Variants in CDH4 observed in about 807,000 individuals in gnomAD.
CDH4 encodes cadherin-4.
In CDH4, 33 loss-of-function variants were observed where a neutral mutation model predicts 86.0. That is an observed-to-expected ratio of 0.38 (90% CI 0.29 to 0.51). The LOEUF (loss-of-function observed/expected upper bound fraction) is 0.51. CDH4 is among the 20% of genes least tolerant of loss of function. The pLI is 0.86. For synonymous variants in CDH4, 555 were observed against 549.4 expected, an observed-to-expected ratio of 1.01 and a Z score of -0.14; for missense variants, 1,114 against 1,307.4, an observed-to-expected ratio of 0.85 and a Z score of 2.28.
intron 2 of CDH4, among the ~76,000 whole-genome samples, chr20:61,716,856 T>C (rs2087961541): frequency 6.6e-6 from 1 of 152,136 alleles, no homozygotes; most frequent in African/African-American, 2.4e-5. Context: ...TGCAGGGAGC[T>C]GAGATCCCAC....
chr20:61,472,193 G>A (rs1399922920), intron 2 of CDH4, among the ~76,000 whole-genome samples: 1 of 152,104 alleles, frequency 6.6e-6, no homozygotes, highest in Non-Finnish European at 1.5e-5. Flanking sequence ...CCCTTGTTGG[G>A]CGCATATGTA....
chr20:61,815,548 C>T (rs1444011374), intron 4 of CDH4, among the ~76,000 whole-genome samples: 4 of 152,184 alleles, frequency 2.6e-5, no homozygotes, highest in Non-Finnish European at 2.9e-5. Context: ...GAAGGTAAAA[C>T]CACATGAAAT....
chr20:61,357,239 T>A (rs1304032431), intron 2 of CDH4, among the ~76,000 whole-genome samples: 1 of 152,206 alleles, frequency 6.6e-6, no homozygotes, highest in African/African-American at 2.4e-5. Context: ...TTGTTAGTTA[T>A]CCAGTTTTGC....
chr20:61,331,333 C>T (rs1205955149), intron 2 of CDH4, among the ~76,000 whole-genome samples: 1 of 152,048 alleles, frequency 6.6e-6, no homozygotes, highest in Non-Finnish European at 1.5e-5. Flanking sequence ...CTGTGAAAAG[C>T]ATGAGTCCGA....
chr20:61,283,375 G>A (rs867691714), intron 2 of CDH4, among the ~76,000 whole-genome samples: 2 of 98,960 alleles, frequency 2.0e-5, no homozygotes, highest in African/African-American at 4.5e-5. Context: ...TGTGTGATGT[G>A]TGTGCGTTTG....
At chr20:61,795,102 G>GTAGTGATAATGGGGA (rs1568820170) in intron 4 of CDH4, among the ~76,000 whole-genome samples, 2 of 111,200 alleles carry the variant, frequency 1.8e-5, no homozygotes, top group South Asian at 3.1e-4. Context: ...GGTAATGATG[G>GTAGTGATAATGGGGA]TGATGATGGT....
At chr20:61,519,762 G>A (rs1252199027) in intron 2 of CDH4, among the ~76,000 whole-genome samples, 1 of 152,246 alleles carries the variant, frequency 6.6e-6, no homozygotes, top group Non-Finnish European at 1.5e-5. Flanking sequence ...TGTCTTCACA[G>A]GCAGACTGCG....
chr20:61,835,372 T>G (rs1171757518), intron 4 of CDH4, among the ~76,000 whole-genome samples: 1 of 152,104 alleles, frequency 6.6e-6, no homozygotes, highest in African/African-American at 2.4e-5. Flanking sequence ...CCAGTGTTCT[T>G]AATAATAAAA....
At chr20:61,752,501 A>G (rs1233614138) in intron 3 of CDH4, among the ~76,000 whole-genome samples, 2 of 152,204 alleles carry the variant, frequency 1.3e-5, no homozygotes, top group Non-Finnish European at 2.9e-5. Context: ...TTAAAGTCAA[A>G]TATACATATG....
intron 2 of CDH4, among the ~76,000 whole-genome samples, chr20:61,424,459 A>G (rs1057424503): frequency 2.0e-5 from 3 of 151,954 alleles, no homozygotes; most frequent in Non-Finnish European, 4.4e-5. Flanking sequence ...TACAGCACAC[A>G]TGTATATATG....
Position 61,852,610 on chromosome 20 carries a change from A to G in CDH4, c.733-144A>G, listed in dbSNP as rs973696075. ...AGAGAGCTGAGGCTCAGAGAATTCCATGACGTGTCCAAAGCCCCCCGGCCC... is the reference window on the plus strand; with the variant it reads ...AGAGAGCTGAGGCTCAGAGAATTCCGTGACGTGTCCAAAGCCCCCCGGCCC... On this transcript the variant is annotated intron_variant, in intron 5 of 15. Coordinates refer to ENST00000614565, the MANE Select transcript of CDH4 (RefSeq NM_001794.5). The G allele has an allele frequency of 1.3e-5, 9 of 674,222 alleles. No homozygotes were observed. The East Asian group carries it at 2.2e-4, about 16-fold the overall frequency. The allele number at this position is 674,222 out of a possible 1,614,324, so 41.8% of individuals were successfully genotyped here.
chr20:61,799,005 G>A (rs977088041), intron 4 of CDH4, among the ~76,000 whole-genome samples: 14 of 152,208 alleles, frequency 9.2e-5, no homozygotes. Flanking sequence ...CTAAGCTCAA[G>A]GCTTTCTTAA....
chr20:61,730,242 C>G (rs1203093082), intron 2 of CDH4, among the ~76,000 whole-genome samples: 1 of 152,042 alleles, frequency 6.6e-6, no homozygotes, highest in Non-Finnish European at 1.5e-5. Context: ...GGGTTTGGAC[C>G]AAATGCATGG....
Position 61,269,805 on chromosome 20 carries a change from G to A in CDH4, c.169+14868G>A, listed in dbSNP as rs775029825. Among the ~76,000 whole-genome samples, 1 of 151,946 alleles carries A rather than the reference G, an allele frequency of 6.6e-6. No individual in the cohort carries two copies. Among genetic ancestry groups the A allele is most frequent in the Non-Finnish European group, 1.5e-5 (1 of 68,000 alleles). On this transcript the variant is annotated intron_variant, in intron 2 of 15. Transcript: ENST00000614565. The surrounding 1 kb of genome is among the most constrained non-coding windows in gnomAD (Gnocchi z 5.3). ...ACCCCAGGCTCCAGAGGCTCCCGGC[G>A]GGGAGACTGTCAGATAGCAACTCCA...
intron 2 of CDH4, among the ~76,000 whole-genome samples, chr20:61,534,298 T>C (rs1420096803): frequency 2.0e-5 from 3 of 152,154 alleles, no homozygotes; most frequent in Admixed American, 2.0e-4. Context: ...GTGGCTTCGC[T>C]TTGCATTGGG....
chr20:61,872,043 C>G (rs11696166), intron 6 of CDH4, among the ~76,000 whole-genome samples: 3 of 151,802 alleles, frequency 2.0e-5, no homozygotes, highest in Admixed American at 6.6e-5. Flanking sequence ...GGGGGAGGGG[C>G]GAGGGGGAAG....
rs529276644 is a variant in CDH4 at position 61,822,502 on chromosome 20, C to T, written c.577-22166C>T. ...GAGCCGCAGCGAAGGTGTGGTTCGGCGACCTCGCTATCGATCTACAAGGTA... is the reference window on the plus strand; with the variant it reads ...GAGCCGCAGCGAAGGTGTGGTTCGGTGACCTCGCTATCGATCTACAAGGTA... On this transcript the variant is annotated intron_variant, in intron 4 of 15. Transcript: ENST00000614565. 4.4e-3 allele frequency among the ~76,000 whole-genome samples: 665 copies of T among 152,274 alleles called. 5 individuals are homozygous for T. The highest frequency in any genetic ancestry group is 0.015 in the African/African-American group (621 of 41,548).
chr20:61,642,576 C>A (rs6061691), intron 2 of CDH4, among the ~76,000 whole-genome samples: 52,503 of 152,018 alleles, frequency 0.35, 9,077 homozygotes, highest in East Asian at 0.48. Flanking sequence ...CAGGCAGACA[C>A]GAACCGCATG....
At chr20:61,710,039 G>A (rs2087873028) in intron 2 of CDH4, among the ~76,000 whole-genome samples, 4 of 152,168 alleles carry the variant, frequency 2.6e-5, no homozygotes, top group Admixed American at 1.3e-4. Context: ...TCCCCTGTCC[G>A]TGGGCGGCCA....
Sources: allele counts gnomAD v4.1 joint callset (sites outside exome capture counted in the v4.1 genomes callset), GRCh38; gene constraint gnomAD v4.1.1; non-coding constraint Gnocchi (gnomAD v3.1); transcripts MANE v1.5; gene names NCBI Gene and HGNC (gene_info 2026-07-23, HGNC 2026-07-21).